Variants in USH2A observed in about 807,000 individuals in gnomAD.
USH2A encodes Usher syndrome 2A (autosomal recessive, mild).
In USH2A, 443 loss-of-function variants were observed where a neutral mutation model predicts 538.9. The ratio of observed to expected loss-of-function variants is 0.82; its 90% CI spans 0.76 to 0.89. USH2A has a LOEUF of 0.89. Ranked by LOEUF, USH2A falls within the 40% of genes least tolerant of loss-of-function variation. The pLI is 0.00. For missense variants in USH2A, 6,633 were observed against 6,324.8 expected (o/e 1.05, Z -1.65); for synonymous variants, 2,413 against 2,273.5 (o/e 1.06, Z -1.75).
intron 9 of USH2A, among the ~76,000 whole-genome samples, chr1:216,305,455 T>G (rs2037298291): frequency 1.3e-5 from 2 of 152,314 alleles, no homozygotes; most frequent in South Asian, 2.1e-4. Context: ...TGGTGAGTTC[T>G]TATCCTTTCT....
chr1:216,308,041 G>T (rs905546561), intron 9 of USH2A, among the ~76,000 whole-genome samples: 2 of 152,164 alleles, frequency 1.3e-5, no homozygotes, highest in Non-Finnish European at 2.9e-5. Flanking sequence ...CATGATGTGT[G>T]TCTTCACATG....
Position 215,671,072 on chromosome 1 carries a change from G to C in USH2A, c.14033C>G (p.Ala4678Gly), listed in dbSNP as rs145803438. The stretch of plus-strand genomic sequence containing the variant: ...TGGATTGGATTTTCTAGGCTGAGTT[G>C]CTATTTGTCTTCTGTATAATTCGTA... ...LYYELYRRQI[A>G]TQPRKSNPVL... is the part of the protein sequence containing the mutation. The change falls in exon 64 of 72, where the codon GCA (alanine) becomes GGA (glycine). Residue 4678 changes from alanine (A) to glycine (G), a missense_variant. Ala to Gly is a moderately conservative substitution (Grantham distance 60). Coordinates refer to ENST00000307340, the MANE Select transcript of USH2A (RefSeq NM_206933.4). The C allele has an allele frequency of 1.2e-6, 2 of 1,614,022 alleles. No individual in the cohort carries two copies. Among genetic ancestry groups the C allele is most frequent in the African/African-American group, 2.7e-5 (2 of 74,916 alleles).
intron 30 of USH2A, among the ~76,000 whole-genome samples, chr1:216,051,455 C>A (rs1309812422): frequency 6.6e-6 from 1 of 152,188 alleles, no homozygotes; most frequent in East Asian, 1.9e-4. Flanking sequence ...TTGGCATTTG[C>A]CATGTCTTTC....
chr1:215,685,087 C>T (rs1473155643), intron 61 of USH2A, among the ~76,000 whole-genome samples: 1 of 152,116 alleles, frequency 6.6e-6, no homozygotes, highest in Non-Finnish European at 1.5e-5. Context: ...GTTCGAGCTC[C>T]CATTAACTGT....
At chr1:215,858,070 C>A (rs1355727049) in intron 44 of USH2A, among the ~76,000 whole-genome samples, 7 of 152,064 alleles carry the variant, frequency 4.6e-5, no homozygotes, top group Non-Finnish European at 8.8e-5. Flanking sequence ...GTTTGAGTTA[C>A]AGTTATACAA....
intron 61 of USH2A, among the ~76,000 whole-genome samples, chr1:215,724,814 T>C (rs538399813): frequency 2.0e-5 from 3 of 152,272 alleles, no homozygotes; most frequent in African/African-American, 4.8e-5. Context: ...GTATTCAATA[T>C]TGACATATTG....
intron 61 of USH2A, among the ~76,000 whole-genome samples, chr1:215,693,048 C>T (rs182856393): frequency 6.9e-4 from 103 of 149,154 alleles, no homozygotes; most frequent in Non-Finnish European, 1.2e-3. Context: ...CAGGTGTGTG[C>T]CACCATGCCC....
chr1:216,346,936 C>A (rs1350431610), intron 4 of USH2A, among the ~76,000 whole-genome samples: 1 of 151,826 alleles, frequency 6.6e-6, no homozygotes, highest in Admixed American at 6.6e-5. Flanking sequence ...GTGTCTAAAT[C>A]AAATATTTTG....
intron 11 of USH2A, among the ~76,000 whole-genome samples, chr1:216,280,746 C>T (rs1179114959): frequency 6.6e-6 from 1 of 152,110 alleles, no homozygotes. Flanking sequence ...CATGCCATAT[C>T]TTATGAGATT....
chr1:216,069,155 G>A (rs2102545212), intron 30 of USH2A, among the ~76,000 whole-genome samples: 1 of 152,288 alleles, frequency 6.6e-6, no homozygotes, highest in Non-Finnish European at 1.5e-5. Flanking sequence ...CCATGTAGCT[G>A]CCATATGCAA....
intron 21 of USH2A, among the ~76,000 whole-genome samples, chr1:216,120,382 T>C (rs2033107217): frequency 6.6e-6 from 1 of 151,468 alleles, no homozygotes; most frequent in African/African-American, 2.4e-5. Flanking sequence ...TATTTATGTA[T>C]TTATTTATTT....
chr1:216,214,402 C>T (rs758089050), intron 15 of USH2A, among the ~76,000 whole-genome samples: 18 of 151,976 alleles, frequency 1.2e-4, no homozygotes, highest in African/African-American at 4.3e-4. Context: ...ACCTCAAAAA[C>T]ATTTTGTTAA....
intron 37 of USH2A, among the ~76,000 whole-genome samples, chr1:215,953,826 C>T (rs1441173522): frequency 6.6e-6 from 1 of 151,694 alleles, no homozygotes. Context: ...TGACAAAGGG[C>T]TAATATCCAG....
chr1:216,047,459 G>A (rs963891854), intron 31 of USH2A, among the ~76,000 whole-genome samples: 2 of 152,186 alleles, frequency 1.3e-5, no homozygotes, highest in African/African-American at 4.8e-5. Flanking sequence ...CAGTAGACCA[G>A]ATGGAGAAAA....
chr1:216,210,718 T>C (rs994828928), intron 15 of USH2A, among the ~76,000 whole-genome samples: 3 of 152,150 alleles, frequency 2.0e-5, no homozygotes, highest in African/African-American at 7.2e-5. Flanking sequence ...GCTTCAGTCA[T>C]GCCTATCCAA....
At chr1:216,356,869 A>G (rs2038400042) in intron 4 of USH2A, among the ~76,000 whole-genome samples, 1 of 152,066 alleles carries the variant, frequency 6.6e-6, no homozygotes, top group Non-Finnish European at 1.5e-5. Context: ...TCGCATTTTT[A>G]CTTTTGATAG....
Position 216,026,214 on chromosome 1 carries a change from T to C in USH2A, c.6325+20217A>G, listed in dbSNP as rs141220997. ...TGTGCCATTCGCAGTTTTCCTCTCA[T>C]AGTAAAACAAGCATTTATTTCTAAA... On this transcript the variant is annotated intron_variant, in intron 32 of 71. Coordinates refer to ENST00000307340, the MANE Select transcript of USH2A (RefSeq NM_206933.4). Among the ~76,000 whole-genome samples, 95 of 152,298 alleles carry C rather than the reference T, an allele frequency of 6.2e-4. No individual in the cohort carries two copies. In the East Asian group the frequency reaches 0.012, roughly 20 times the overall value.
chr1:215,936,314 G>T (rs1344752757), intron 37 of USH2A, among the ~76,000 whole-genome samples: 2 of 151,936 alleles, frequency 1.3e-5, no homozygotes, highest in Non-Finnish European at 2.9e-5. Context: ...AAAATGCAAG[G>T]TTTACAATAT....
intron 38 of USH2A, among the ~76,000 whole-genome samples, chr1:215,904,687 G>A (rs1039196688): frequency 2.6e-5 from 4 of 151,866 alleles, no homozygotes; most frequent in African/African-American, 7.3e-5. Context: ...TGACCCTCAC[G>A]GGGCAAACAC....
Sources: allele counts gnomAD v4.1 joint callset (sites outside exome capture counted in the v4.1 genomes callset), GRCh38; gene constraint gnomAD v4.1.1; transcripts MANE v1.5; gene names NCBI Gene and HGNC (gene_info 2026-07-23, HGNC 2026-07-21).